NSD2: variants seen among roughly 807,000 people sequenced by gnomAD.
NSD2 encodes nuclear receptor binding SET domain protein 2, also known as histone-lysine N-methyltransferase NSD2.
A neutral mutation model predicts 139.0 loss-of-function variants in NSD2; 12 were observed. That is an observed-to-expected ratio of 0.09 (90% CI 0.06 to 0.14). The LOEUF is 0.14. NSD2 is among the 10% of genes least tolerant of loss of function. NSD2 has a pLI of 1.00. For synonymous variants in NSD2, 669 were observed against 648.7 expected, an observed-to-expected ratio of 1.03 and a Z score of -0.48; for missense variants, 1,155 against 1,745.0, an observed-to-expected ratio of 0.66 and a Z score of 6.02.
chr4:1,875,759 A>G (rs1329763242), intron 1 of NSD2, among the ~76,000 whole-genome samples: 1 of 150,164 alleles, frequency 6.7e-6, no homozygotes, highest in Non-Finnish European at 1.5e-5. Flanking sequence ...AATACAAAAA[A>G]TTAGCTGGGC....
chr4:1,935,120 A>G (rs1722235364), intron 6 of NSD2, 24 bp from the exon 7 acceptor site: 1 of 1,592,012 alleles, frequency 6.3e-7, no homozygotes, highest in African/African-American at 1.4e-5. Flanking sequence ...TTTCATGTAC[A>G]TTTTCCCCAT....
intron 19 of NSD2, 51 bp from the exon 20 acceptor site, chr4:1,975,243 G>C (rs748174236): frequency 6.4e-7 from 1 of 1,573,530 alleles, no homozygotes; most frequent in Middle Eastern, 1.7e-4. Context: ...CTTAGCTTTT[G>C]AAGAGAAAGG....
At chr4:1,887,119 A>G (rs1183918408) in intron 1 of NSD2, among the ~76,000 whole-genome samples, 1 of 152,162 alleles carries the variant, frequency 6.6e-6, no homozygotes, top group East Asian at 1.9e-4. Context: ...GCTCCATGTG[A>G]TGCCAGCTTG....
At chr4:1,915,893 T>G (rs1193703490) in intron 3 of NSD2, among the ~76,000 whole-genome samples, 1 of 152,124 alleles carries the variant, frequency 6.6e-6, no homozygotes, top group Non-Finnish European at 1.5e-5. Context: ...CCCTCCCTCC[T>G]CTCACCTGGC....
chr4:1,894,345 G>A (rs115728315), intron 1 of NSD2, among the ~76,000 whole-genome samples: 234 of 152,240 alleles, frequency 1.5e-3, no homozygotes, highest in Non-Finnish European at 2.8e-3. Flanking sequence ...AGAACATAGG[G>A]TGCTCTTTTA....
chr4:1,945,269 T>A (rs960746635), intron 9 of NSD2: 1 of 1,066,342 alleles, frequency 9.4e-7, no homozygotes, highest in African/African-American at 1.6e-5. Context: ...CTCATGTAGC[T>A]GGAGACGTTA....
intron 17 of NSD2, among the ~76,000 whole-genome samples, chr4:1,960,206 G>A (rs1197448443): frequency 1.3e-5 from 2 of 152,166 alleles, no homozygotes; most frequent in Non-Finnish European, 2.9e-5. Context: ...ATTTTAAAAT[G>A]TTACATGAAA....
chr4:1,921,839 G>A (rs976299837), intron 5 of NSD2, among the ~76,000 whole-genome samples: 4 of 150,756 alleles, frequency 2.7e-5, no homozygotes, highest in East Asian at 1.9e-4. Context: ...TTTAATAAAC[G>A]TTGTACGGAA....
chr4:1,889,289 G>A (rs1715354372), intron 1 of NSD2, among the ~76,000 whole-genome samples: 1 of 151,896 alleles, frequency 6.6e-6, no homozygotes, highest in Non-Finnish European at 1.5e-5. Flanking sequence ...TACCTCTTGG[G>A]CTCAAGCGAT....
intron 7 of NSD2, among the ~76,000 whole-genome samples, chr4:1,936,167 C>T (rs1560699975): frequency 6.6e-6 from 1 of 152,150 alleles, no homozygotes; most frequent in Non-Finnish European, 1.5e-5. Flanking sequence ...ACAGAGTTTG[C>T]CTGGTACCTG....
In NSD2 at chr4:1,958,881, C is replaced by T. The variant is rs184761337; in HGVS notation, c.2986-590C>T. ...AAAAGAGTGTCTTTCGCCACCTCTTCCCTAAGATTATGCATTTCTACCCCA... is the reference window on the plus strand; with the variant it reads ...AAAAGAGTGTCTTTCGCCACCTCTTTCCTAAGATTATGCATTTCTACCCCA... On this transcript the variant is annotated intron_variant, in intron 16 of 21. Coordinates refer to ENST00000508803, the MANE Select transcript of NSD2 (RefSeq NM_001042424.3). This position sits in a 1 kb window ranked among gnomAD's most constrained non-coding sequence, Gnocchi z 4.6. Among the ~76,000 whole-genome samples, 1 of 152,304 alleles carries T rather than the reference C, an allele frequency of 6.6e-6. No homozygotes were observed. The highest frequency in any genetic ancestry group is 6.5e-5 in the Admixed American group (1 of 15,298).
In NSD2 at chr4:1,979,267, G is replaced by C. The variant is rs192215466; in HGVS notation, c.*358G>C. The stretch of plus-strand genomic sequence containing the variant: ...TTTAATCTCCTCTGAAATGTGTAGC[G>C]TAGGCTTTTCCCAAGGGTCGCTAGA... On this transcript the variant is annotated 3_prime_UTR_variant, in exon 22 of 22. Coordinates refer to ENST00000508803, the MANE Select transcript of NSD2 (RefSeq NM_001042424.3). 3.9e-6 allele frequency: 1 copy of C among 258,902 alleles called. No homozygotes were observed. Among genetic ancestry groups the C allele is most frequent in the Admixed American group, 5.4e-5 (1 of 18,394 alleles). The allele number at this position is 258,902 out of a possible 1,614,324, so 16.0% of individuals were successfully genotyped here.
intron 3 of NSD2, among the ~76,000 whole-genome samples, chr4:1,905,873 G>C (rs1717825895): frequency 6.6e-6 from 1 of 152,152 alleles, no homozygotes; most frequent in African/African-American, 2.4e-5. Context: ...TGTACCCCAG[G>C]GCCTCTAGAC....
rs1416878451 is a variant in NSD2 at position 1,918,352 on chromosome 4, G to A, written c.1139G>A (p.Ser380Asn). 3 of 1,614,154 alleles carry A rather than the reference G, an allele frequency of 1.9e-6. No individual in the cohort carries two copies. The highest frequency in any genetic ancestry group is 1.3e-5 in the African/African-American group (1 of 75,052). Reference sequence around the variant, plus strand: ...GAAATGGCAGAATCCTCAGGAGTCAGTGAAGAAGCTGCTGAAAACCCCAAG... The same window carrying A: ...GAAATGGCAGAATCCTCAGGAGTCAATGAAGAAGCTGCTGAAAACCCCAAG... The part of the protein sequence containing the change: ...LGEMAESSGV[S>N]EEAAENPKSV... Residue 380 changes from serine to asparagine, a missense_variant, in exon 5 of 22, where the codon AGT becomes AAT. Around this residue, in one of 8 missense-constraint regions of NSD2, gnomAD observed 420 missense variants for 469.0 expected, o/e 0.90. Coordinates refer to ENST00000508803, the MANE Select transcript of NSD2 (RefSeq NM_001042424.3).
chr4:1,965,981 A>C (rs1239907118), intron 18 of NSD2, among the ~76,000 whole-genome samples: 1 of 152,194 alleles, frequency 6.6e-6, no homozygotes, highest in African/African-American at 2.4e-5. Context: ...ATCACAAGGG[A>C]TTCTCAATGA....
At chr4:1,938,581 G>T in intron 8 of NSD2, 49 bp downstream of exon 8, 2 of 1,437,036 alleles carry the variant, frequency 1.4e-6, no homozygotes, top group South Asian at 2.3e-5. Context: ...TGCCCAGGCT[G>T]GGCTGGGTGG....
intron 18 of NSD2, among the ~76,000 whole-genome samples, chr4:1,970,102 G>A (rs1346006618): frequency 2.6e-5 from 4 of 152,204 alleles, no homozygotes; most frequent in Non-Finnish European, 5.9e-5. Flanking sequence ...GGGCTGCTGA[G>A]GAGAGGCACT....
At chr4:1,952,289 C>T (rs1312907423) in intron 11 of NSD2, 58 bp downstream of exon 11, 2 of 1,603,800 alleles carry the variant, frequency 1.2e-6, no homozygotes, top group African/African-American at 2.7e-5. Context: ...TCCTGCAACC[C>T]CCTGCACCAA....
At chr4:1,879,508 C>T (rs937123818) in intron 1 of NSD2, among the ~76,000 whole-genome samples, 5 of 152,254 alleles carry the variant, frequency 3.3e-5, no homozygotes, top group East Asian at 3.9e-4. Context: ...CTTGAGCCAC[C>T]GCGCCTGGCC....
Sources: gnomAD v4.1 joint callset for allele counts (sites outside exome capture counted in the v4.1 genomes callset) on GRCh38, gnomAD v4.1.1 for gene constraint, gnomAD v4.1.1 regional missense constraint, Gnocchi (gnomAD v3.1) non-coding constraint, MANE v1.5 for transcripts, NCBI Gene and HGNC (gene_info 2026-07-23, HGNC 2026-07-21) for gene names.